The following SCD variants were observed in gnomAD, a reference collection of about 807,000 sequenced individuals.
SCD encodes acyl-CoA desaturase.
A neutral mutation model predicts 35.7 loss-of-function variants in SCD; 4 were observed. That is an observed-to-expected ratio of 0.11 (90% CI 0.06 to 0.26). SCD has a LOEUF of 0.26. SCD is among the 10% of genes least tolerant of loss of function. The probability of loss-of-function intolerance (pLI) is 1.00; values close to 1 mark genes in which losing one functional copy is unlikely to be tolerated. For missense variants in SCD, 282 were observed against 460.7 expected (o/e 0.61, Z 3.55); for synonymous variants, 150 against 170.2 (o/e 0.88, Z 0.92).
chr10:100,352,548 G>C lies in SCD; in HGVS notation c.441+52G>C, dbSNP rs758458595. 1 of 1,575,952 alleles carries C rather than the reference G, an allele frequency of 6.3e-7. No individual in the cohort carries two copies. Among genetic ancestry groups the C allele is most frequent in the Non-Finnish European group, 8.7e-7 (1 of 1,153,840 alleles). On this transcript the variant is annotated intron_variant, in intron 3 of 5. Transcript: ENST00000370355. The surrounding 1 kb of genome is among the most constrained non-coding windows in gnomAD (Gnocchi z 4.2). ...TTGTCCTCCACACTATTAATGATCC[G>C]GGGACAGAAAGGAGGGATCAGCACC...
intron 2 of SCD, 44 bp downstream of exon 2, chr10:100,348,390 C>A: frequency 1.3e-6 from 2 of 1,571,362 alleles, no homozygotes; most frequent in South Asian, 2.3e-5. Context: ...TCCAGGTACT[C>A]ACTGCTCTTT....
At chr10:100,348,032 TCTC>T (rs764695016) in intron 1 of SCD, 29 bp from the exon 2 acceptor site, 19 of 1,604,476 alleles carry the variant, frequency 1.2e-5, no homozygotes, top group East Asian at 2.2e-5. Context: ...ACGTGTCTCT[TCTC>T]CTGACTCTCC....
rs1181861233 is a variant in SCD, at chr10:100,352,064, G to C, written c.311-302G>C. Among the ~76,000 whole-genome samples, 4 of 152,096 alleles carry C rather than the reference G, an allele frequency of 2.6e-5. No homozygotes were observed. Among genetic ancestry groups the C allele is most frequent in the Admixed American group, 2.6e-4 (4 of 15,272 alleles). ...GGTGAAAGGAGATAGCTAGGCCCTG[G>C]GAGAATGCCTTTAAGATGAAGAATG... On this transcript the variant is annotated intron_variant, in intron 2 of 5. Coordinates refer to ENST00000370355, the MANE Select transcript of SCD (RefSeq NM_005063.5). This position sits in a 1 kb window ranked among gnomAD's most constrained non-coding sequence, Gnocchi z 4.2.
rs1850007923 is a variant in SCD, at chr10:100,363,285, A to T, written c.*2352A>T. ...CCTGTCCCTGTAGCTCAGTCATCAA[A>T]GCAGAAGTCTGGCTTTGCTCTATTA... On this transcript the variant is annotated 3_prime_UTR_variant, in exon 6 of 6. Coordinates refer to ENST00000370355, the MANE Select transcript of SCD (RefSeq NM_005063.5). 1 of 152,454 alleles carries T rather than the reference A, an allele frequency of 6.6e-6. No homozygotes were observed. Among genetic ancestry groups the T allele is most frequent in the Middle Eastern group, 3.4e-3 (1 of 296 alleles). 9.4% of individuals were successfully genotyped at this position (152,454 alleles called of 1,614,324 possible).
Position 100,348,319 on chromosome 10 carries a change from A to G in SCD, c.283A>G (p.Thr95Ala), listed in dbSNP as rs1318291594. 1.9e-6 allele frequency: 3 copies of G among 1,613,814 alleles called. No individual in the cohort carries two copies. The highest frequency in any genetic ancestry group is 2.5e-6 in the Non-Finnish European group (3 of 1,179,968). ...CCTGTATGGGATCACTTTGATTCCT[A>G]CCTGCAAGTTCTACACCTGGCTTTG... The part of the protein sequence containing the change: ...GALYGITLIP[T>A]CKFYTWLWGV... Residue 95 changes from threonine (T) to alanine (A), a missense_variant, in exon 2 of 6, where the codon ACC becomes GCC. Around this residue, in one of 2 missense-constraint regions of SCD, gnomAD observed 205 missense variants for 372.3 expected, o/e 0.55. Coordinates refer to ENST00000370355, the MANE Select transcript of SCD (RefSeq NM_005063.5).
Position 100,360,770 on chromosome 10 carries a change from A to G in SCD, c.917A>G (p.Tyr306Cys), listed in dbSNP as rs1246188722. The G allele has an allele frequency of 1.9e-6, 3 of 1,613,896 alleles. No homozygotes were observed. Among genetic ancestry groups the G allele is most frequent in the Non-Finnish European group, 2.5e-6 (3 of 1,179,842 alleles). The change falls in exon 6 of 6, where the codon TAT (tyrosine) becomes TGT (cysteine). Residue 306 changes from tyrosine to cysteine, a missense_variant. Transcript: ENST00000370355. The stretch of plus-strand genomic sequence containing the variant: ...CACAACTACCACCACTCCTTTCCCT[A>G]TGACTACTCTGCCAGTGAGTACCGC... ...GFHNYHHSFP[Y>C]DYSASEYRWH...
In SCD at chr10:100,362,106, G is replaced by GA. The variant is rs1290649765; in HGVS notation, c.*1175dup. 6.6e-6 allele frequency: 1 copy of GA among 152,192 alleles called. No individual in the cohort carries two copies. The highest frequency in any genetic ancestry group is 2.4e-5 in the African/African-American group (1 of 41,448). The allele number at this position is 152,192 out of a possible 1,614,324, so 9.4% of individuals were successfully genotyped here. ...TGGAAAAAACTCTGAAGGAGAGGAG[G>GA]AATTAGTTGGGATGCCAATTTCCTC... On this transcript the variant is annotated 3_prime_UTR_variant, in exon 6 of 6. Transcript: ENST00000370355.
chr10:100,354,165 C>T (rs1284995765), intron 3 of SCD, among the ~76,000 whole-genome samples: 9 of 152,242 alleles, frequency 5.9e-5, no homozygotes, highest in Admixed American at 2.0e-4. Context: ...GATTTACCTC[C>T]GTTCCACCCA....
chr10:100,350,870 G>T (rs1476443539), intron 2 of SCD, among the ~76,000 whole-genome samples: 1 of 152,172 alleles, frequency 6.6e-6, no homozygotes, highest in Non-Finnish European at 1.5e-5. Context: ...ATCACCTGGG[G>T]CCTCAGTCCC....
At chr10:100,350,723 G>A (rs1205651640) in intron 2 of SCD, among the ~76,000 whole-genome samples, 1 of 152,162 alleles carries the variant, frequency 6.6e-6, no homozygotes, top group Non-Finnish European at 1.5e-5. Context: ...CTGCCCTAGG[G>A]TCTTGCAGCA....
intron 5 of SCD, among the ~76,000 whole-genome samples, chr10:100,360,523 C>T (rs532918869): frequency 6.6e-6 from 1 of 152,256 alleles, no homozygotes. Flanking sequence ...TGCAACATGG[C>T]AAGACCCCGT....
chr10:100,358,293 T>C (rs565774393), intron 5 of SCD, among the ~76,000 whole-genome samples: 356 of 151,210 alleles, frequency 2.4e-3, no homozygotes, highest in Middle Eastern at 0.01. Context: ...CGTGAGCCAC[T>C]GCGCCTGGCC....
In SCD at chr10:100,347,353, C is replaced by T; in HGVS notation, c.-152C>T. ...AATTCCCGGCTCGGGGACCTCCACG[C>T]ACCGCGGCTAGCGCCGACAACCAGC... On this transcript the variant is annotated 5_prime_UTR_variant, in exon 1 of 6. Transcript: ENST00000370355. 1 of 829,064 alleles carries T rather than the reference C, an allele frequency of 1.2e-6. No homozygotes were observed. 51.4% of individuals were successfully genotyped at this position (829,064 alleles called of 1,614,324 possible). A position where few individuals can be genotyped will look rare whatever the true frequency, so the allele number is the denominator to read the frequency against.
Position 100,348,366 on chromosome 10 carries a change from T to C in SCD, c.310+20T>C, listed in dbSNP as rs997570795. The C allele has an allele frequency of 7.5e-6, 12 of 1,609,472 alleles. No homozygotes were observed. The highest frequency in any genetic ancestry group is 8.5e-6 in the Non-Finnish European group (10 of 1,177,572). Reference sequence around the variant, plus strand: ...TTTGGGGTAAGCAGCCTCCCTGTCCTCCTGACCTAGTCCTCCAGGTACTCA... The same window carrying C: ...TTTGGGGTAAGCAGCCTCCCTGTCCCCCTGACCTAGTCCTCCAGGTACTCA... On this transcript the variant is annotated intron_variant, in intron 2 of 5. Transcript: ENST00000370355.
chr10:100,351,082 G>C (rs758327895), intron 2 of SCD, among the ~76,000 whole-genome samples: 1 of 152,230 alleles, frequency 6.6e-6, no homozygotes, highest in Non-Finnish European at 1.5e-5. Flanking sequence ...CTGCAACTAA[G>C]TTCTGTGGCC....
At chr10:100,347,929 C>T in intron 1 of SCD, 135 bp from the exon 2 acceptor site, 5 of 883,344 alleles carry the variant, frequency 5.7e-6, no homozygotes, top group Non-Finnish European at 8.8e-6. Flanking sequence ...CGGATACACC[C>T]TACCCTCAGT....
intron 3 of SCD, among the ~76,000 whole-genome samples, chr10:100,354,041 C>G (rs148134765): frequency 6.6e-6 from 1 of 152,352 alleles, no homozygotes; most frequent in African/African-American, 2.4e-5. Flanking sequence ...ACAAGGCTGC[C>G]TGCCTCATGT....
chr10:100,350,031 C>T (rs1300261347), intron 2 of SCD, among the ~76,000 whole-genome samples: 1 of 152,104 alleles, frequency 6.6e-6, no homozygotes, highest in African/African-American at 2.4e-5. Flanking sequence ...GTTGCTACTG[C>T]AAGGAGCAGA....
rs754971366 is a variant in SCD, at chr10:100,352,368, G to A, written c.313G>A (p.Val105Ile). ...CCCCCACTGTCTTCTCCTGGCAGGG[G>A]TATTCTACTATTTTGTCAGTGCCCT... ...TCKFYTWLWGVFYYFVSALGI... is the reference protein window; with the variant it reads ...TCKFYTWLWGIFYYFVSALGI... Residue 105 changes from valine (V) to isoleucine (I), a missense_variant and splice_region_variant, in exon 3 of 6, where the codon GTA becomes ATA. Physicochemically the swap from Val to Ile is conservative, Grantham distance 29. Transcript: ENST00000370355. This position sits in a 1 kb window ranked among gnomAD's most constrained non-coding sequence, Gnocchi z 4.2. 6.2e-7 allele frequency: 1 copy of A among 1,613,466 alleles called. No individual in the cohort carries two copies. Among genetic ancestry groups the A allele is most frequent in the East Asian group, 2.2e-5 (1 of 44,872 alleles).
Sources: gnomAD v4.1 joint callset for allele counts (sites outside exome capture counted in the v4.1 genomes callset) on GRCh38, gnomAD v4.1.1 for gene constraint, gnomAD v4.1.1 regional missense constraint, Gnocchi (gnomAD v3.1) non-coding constraint, MANE v1.5 for transcripts, NCBI Gene and HGNC (gene_info 2026-07-23, HGNC 2026-07-21) for gene names.